The following WWOX variants were observed in gnomAD, a reference collection of about 807,000 sequenced individuals.
WWOX encodes WW domain-containing oxidoreductase.
A neutral mutation model predicts 46.2 loss-of-function variants in WWOX; 69 were observed. That is an observed-to-expected ratio of 1.49 (90% CI 1.23 to 1.82). The LOEUF is 1.82. Ranked by LOEUF, WWOX falls within the 40% of genes most tolerant of loss-of-function variation. The probability of loss-of-function intolerance (pLI) is 0.00; values close to 1 mark genes in which losing one functional copy is unlikely to be tolerated. For synonymous variants in WWOX, 359 were observed against 202.6 expected, an observed-to-expected ratio of 1.77 and a Z score of -6.56; for missense variants, 919 against 542.6, an observed-to-expected ratio of 1.69 and a Z score of -6.89.
intron 8 of WWOX, among the ~76,000 whole-genome samples, chr16:78,731,866 G>C (rs1360102457): frequency 1.8e-5 from 2 of 111,174 alleles, no homozygotes; most frequent in South Asian, 2.6e-4. Flanking sequence ...TTTTTTTTGA[G>C]AGACAGGGTC....
intron 8 of WWOX, among the ~76,000 whole-genome samples, chr16:78,484,264 A>G (rs1052584051): frequency 9.8e-5 from 15 of 152,332 alleles, no homozygotes; most frequent in African/African-American, 3.4e-4. Flanking sequence ...CATATATTAA[A>G]GTACTATACA....
intron 8 of WWOX, among the ~76,000 whole-genome samples, chr16:78,579,153 T>G (rs934427632): frequency 2.6e-5 from 4 of 152,224 alleles, no homozygotes; most frequent in Admixed American, 2.0e-4. Context: ...AAAATCACTT[T>G]AATGATTCAG....
At position 78,911,066 on chromosome 16, in the gene WWOX, T is replaced by C. The variant is rs1019186415; in HGVS notation, c.1057-300542T>C. ...CACAGCCTGTCGACTTCCATCCCCA[T>C]GTGTGGCTCTCCCCAGGGCCTCCCT... On this transcript the variant is annotated intron_variant, in intron 8 of 8. Coordinates refer to ENST00000566780, the MANE Select transcript of WWOX (RefSeq NM_016373.4). 3.3e-5 allele frequency among the ~76,000 whole-genome samples: 5 copies of C among 152,038 alleles called. No individual in the cohort carries two copies. In the East Asian group the frequency reaches 5.8e-4, roughly 18 times the overall value.
chr16:79,130,430 G>A (rs2049852634), intron 8 of WWOX, among the ~76,000 whole-genome samples: 1 of 152,224 alleles, frequency 6.6e-6, no homozygotes, highest in South Asian at 2.1e-4. Context: ...CAGATCATGA[G>A]GAGGGTAGGG....
At chr16:79,147,764 T>C (rs1482251219) in intron 8 of WWOX, among the ~76,000 whole-genome samples, 3 of 152,244 alleles carry the variant, frequency 2.0e-5, no homozygotes, top group African/African-American at 4.8e-5. Flanking sequence ...CAGTTTTTTA[T>C]TTTAGCCATT....
intron 8 of WWOX, among the ~76,000 whole-genome samples, chr16:78,823,655 A>G (rs1455351256): frequency 2.6e-5 from 4 of 152,188 alleles, no homozygotes; most frequent in Non-Finnish European, 4.4e-5. Flanking sequence ...ATATAAAAGT[A>G]TACACGTATC....
intron 8 of WWOX, among the ~76,000 whole-genome samples, chr16:78,613,616 C>A (rs758551858): frequency 6.6e-5 from 10 of 152,170 alleles, no homozygotes; most frequent in Non-Finnish European, 7.3e-5. Flanking sequence ...ATTCAAGATG[C>A]AATCACCACT....
chr16:78,656,638 A>G (rs1234918021), intron 8 of WWOX, among the ~76,000 whole-genome samples: 1 of 152,078 alleles, frequency 6.6e-6, no homozygotes, highest in Non-Finnish European at 1.5e-5. Context: ...ACCACCTCCC[A>G]CCGGGCCCCT....
chr16:79,124,482 C>T (rs905121903), intron 8 of WWOX, among the ~76,000 whole-genome samples: 1 of 152,176 alleles, frequency 6.6e-6, no homozygotes, highest in Admixed American at 6.5e-5. Flanking sequence ...TGGTGTGGCA[C>T]AAAGGCGGCT....
intron 8 of WWOX, among the ~76,000 whole-genome samples, chr16:78,512,421 T>C (rs547153872): frequency 6.6e-6 from 1 of 152,208 alleles, no homozygotes; most frequent in African/African-American, 2.4e-5. Context: ...TTTGAGTGTT[T>C]CTGATTTTAA....
At chr16:79,064,413 T>C (rs2048406634) in intron 8 of WWOX, among the ~76,000 whole-genome samples, 3 of 152,172 alleles carry the variant, frequency 2.0e-5, no homozygotes, top group African/African-American at 7.2e-5. Flanking sequence ...ATTTTGAAGA[T>C]TAAATGAGAT....
chr16:78,837,205 G>C (rs1273770101), intron 8 of WWOX, among the ~76,000 whole-genome samples: 1 of 152,204 alleles, frequency 6.6e-6, no homozygotes. Flanking sequence ...CTGCTAGGCT[G>C]AACCAGAAGA....
intron 8 of WWOX, among the ~76,000 whole-genome samples, chr16:78,807,381 C>G (rs1450967677): frequency 6.6e-6 from 1 of 152,208 alleles, no homozygotes; most frequent in Admixed American, 6.5e-5. Flanking sequence ...TAAAACTATT[C>G]TTGTTCTTCT....
chr16:79,116,615 G>A (rs529928213), intron 8 of WWOX, among the ~76,000 whole-genome samples: 20 of 152,078 alleles, frequency 1.3e-4, no homozygotes, highest in Non-Finnish European at 2.5e-4. Flanking sequence ...CTTCTAACTC[G>A]AGTTCTCTTG....
At chr16:79,033,843 A>C (rs2102280) in intron 8 of WWOX, among the ~76,000 whole-genome samples, 39,789 of 152,144 alleles carry the variant, frequency 0.26, 5,442 homozygotes, top group South Asian at 0.36. Flanking sequence ...TGGCTGACTT[A>C]TTTATGATAC....
intron 6 of WWOX, among the ~76,000 whole-genome samples, chr16:78,393,341 C>G: frequency 6.6e-6 from 1 of 152,106 alleles, no homozygotes; most frequent in East Asian, 1.9e-4. Flanking sequence ...GAGAGGTGCT[C>G]TGTAATACTT....
rs117003209 is a variant in WWOX, at chr16:78,501,947, C to T, written c.1056+69195C>T. Among the ~76,000 whole-genome samples, 236 of 152,232 alleles carry T rather than the reference C, an allele frequency of 1.6e-3. 5 individuals are homozygous for T. In the East Asian group the frequency reaches 0.034, roughly 22 times the overall value. On this transcript the variant is annotated intron_variant, in intron 8 of 8. Transcript: ENST00000566780. ...GTCCCACCTGCCCATCGTCAGATTT[C>T]GGTTCCTCTCAGAGTTAACGTAGAA...
chr16:78,899,603 C>G (rs2044778472), intron 8 of WWOX: 1 of 152,136 alleles, frequency 6.6e-6, no homozygotes, highest in Non-Finnish European at 1.5e-5. Flanking sequence ...GAACATTGGC[C>G]ACATCCGCCA....
intron 8 of WWOX, among the ~76,000 whole-genome samples, chr16:78,502,736 ATGT>A (rs1357732410): frequency 6.6e-6 from 1 of 152,160 alleles, no homozygotes; most frequent in African/African-American, 2.4e-5. Context: ...GTGTCTTAAA[ATGT>A]TGTGCATCAG....
Sources: gnomAD v4.1 joint callset for allele counts (sites outside exome capture counted in the v4.1 genomes callset) on GRCh38, gnomAD v4.1.1 for gene constraint, MANE v1.5 for transcripts, NCBI Gene and HGNC (gene_info 2026-07-23, HGNC 2026-07-21) for gene names.